MAPK10: variants seen among roughly 807,000 people sequenced by gnomAD.
The protein encoded by MAPK10 is mitogen-activated protein kinase 10, also known as JNK3 alpha protein kinase.
In MAPK10, 25 loss-of-function variants were observed where a neutral mutation model predicts 59.3. That is an observed-to-expected ratio of 0.42 (90% CI 0.31 to 0.59). The LOEUF (loss-of-function observed/expected upper bound fraction) is 0.59. MAPK10 is among the 20% of genes least tolerant of loss of function. The pLI is 0.15. For synonymous variants in MAPK10, 190 were observed against 200.5 expected, an observed-to-expected ratio of 0.95 and a Z score of 0.44; for missense variants, 351 against 568.9, an observed-to-expected ratio of 0.62 and a Z score of 3.90.
upstream of MAPK10, among the ~76,000 whole-genome samples, chr4:86,456,499 C>T (rs188159391): frequency 3.9e-5 from 6 of 152,096 alleles, no homozygotes; most frequent in Non-Finnish European, 8.8e-5. Flanking sequence ...CACAGAAATA[C>T]AAAAGATCAT....
At chr4:86,065,944 C>T (rs1260148401) in intron 10 of MAPK10, among the ~76,000 whole-genome samples, 2 of 151,918 alleles carry the variant, frequency 1.3e-5, no homozygotes, top group Non-Finnish European at 2.9e-5. Flanking sequence ...ATATAAAATA[C>T]AAAAATCAGG....
intron 11 of MAPK10, among the ~76,000 whole-genome samples, chr4:86,043,064 A>T (rs1385935136): frequency 6.6e-6 from 1 of 152,168 alleles, no homozygotes; most frequent in Non-Finnish European, 1.5e-5. Flanking sequence ...TTGATTTTGC[A>T]ATGCCAATTT....
At chr4:86,144,621 C>T (rs1177300289) in intron 4 of MAPK10, among the ~76,000 whole-genome samples, 1 of 152,134 alleles carries the variant, frequency 6.6e-6, no homozygotes, top group Admixed American at 6.6e-5. Context: ...CCTTCTCTCT[C>T]TCTTCTTAGC....
At chr4:86,548,321 T>C (rs942217424) in intron 1 of MAPK10, among the ~76,000 whole-genome samples, 3 of 151,544 alleles carry the variant, frequency 2.0e-5, no homozygotes, top group Non-Finnish European at 4.4e-5. Context: ...TCCAAACACA[T>C]CCGAACATCA....
chr4:86,570,911 T>C (rs893849602), intron 1 of MAPK10, among the ~76,000 whole-genome samples: 4 of 152,034 alleles, frequency 2.6e-5, no homozygotes, highest in East Asian at 3.9e-4. Flanking sequence ...GATGCCAGGG[T>C]GGAATTGAAT....
chr4:86,495,567 G>A (rs1165315775), intron 1 of MAPK10, among the ~76,000 whole-genome samples: 1 of 152,174 alleles, frequency 6.6e-6, no homozygotes, highest in Non-Finnish European at 1.5e-5. Context: ...AACATTTAGT[G>A]TCGACATTTT....
chr4:86,310,731 CTATT>C (rs529429997), intron 2 of MAPK10, among the ~76,000 whole-genome samples: 25 of 152,272 alleles, frequency 1.6e-4, no homozygotes, highest in Admixed American at 3.9e-4. Context: ...CCTTGAGACA[CTATT>C]TATGATGGCT....
At chr4:86,408,685 T>C (rs1197471870) in intron 1 of MAPK10, among the ~76,000 whole-genome samples, 1 of 152,244 alleles carries the variant, frequency 6.6e-6, no homozygotes, top group African/African-American at 2.4e-5. Context: ...GTCTGTTGGC[T>C]GCATAAATGT....
At chr4:86,096,320 A>G (rs1453898676) in intron 9 of MAPK10, among the ~76,000 whole-genome samples, 1 of 151,958 alleles carries the variant, frequency 6.6e-6, no homozygotes, top group Non-Finnish European at 1.5e-5. Flanking sequence ...AAAAATTTTT[A>G]AAAGAAAATA....
At chr4:86,032,871 G>A (rs929504644) in intron 11 of MAPK10, among the ~76,000 whole-genome samples, 2 of 152,298 alleles carry the variant, frequency 1.3e-5, no homozygotes, top group African/African-American at 2.4e-5. Context: ...CTTTTAGCAC[G>A]TTTGACTGAT....
intron 4 of MAPK10, among the ~76,000 whole-genome samples, chr4:86,118,638 C>T (rs2058687348): frequency 6.6e-6 from 1 of 151,568 alleles, no homozygotes; most frequent in African/African-American, 2.4e-5. Flanking sequence ...AAATCTTGTT[C>T]TCAATATATT....
intron 2 of MAPK10, among the ~76,000 whole-genome samples, chr4:86,260,669 T>C (rs965035105): frequency 6.6e-6 from 1 of 152,148 alleles, no homozygotes; most frequent in Non-Finnish European, 1.5e-5. Flanking sequence ...TCTTCATATA[T>C]CTTTCTTAAA....
At chr4:86,492,883 G>A (rs1754577478) in intron 1 of MAPK10, among the ~76,000 whole-genome samples, 1 of 152,210 alleles carries the variant, frequency 6.6e-6, no homozygotes, top group Admixed American at 6.5e-5. Flanking sequence ...TGGTATGTAT[G>A]AGGGGTGTTA....
At chr4:86,393,492 T>C (rs1189293555) in intron 1 of MAPK10, among the ~76,000 whole-genome samples, 1 of 152,172 alleles carries the variant, frequency 6.6e-6, no homozygotes, top group Non-Finnish European at 1.5e-5. Context: ...TGATCAAAAA[T>C]AAAGCAATGT....
chr4:86,552,713 A>G lies in MAPK10; in HGVS notation c.-263+41197T>C, dbSNP rs1316701818. Among the ~76,000 whole-genome samples the G allele has an allele frequency of 4.7e-4, 72 of 152,148 alleles. 1 individual carries two copies. The highest frequency in any genetic ancestry group is 1.3e-4 in the Non-Finnish European group (9 of 67,984). ...ATATTTTTATAGAGAACAATTTTGG[A>G]AAAAGAGAGTGTCTCTTTTTAGAGC... On this transcript the variant is annotated intron_variant, in intron 1 of 4. Transcript: ENST00000502302.
At chr4:86,165,272 T>C (rs1372854585) in intron 3 of MAPK10, among the ~76,000 whole-genome samples, 1 of 152,142 alleles carries the variant, frequency 6.6e-6, no homozygotes, top group Non-Finnish European at 1.5e-5. Context: ...ACTCCAACAT[T>C]GTTGTGCAAA....
chr4:86,277,795 C>T (rs1049212262), intron 2 of MAPK10, among the ~76,000 whole-genome samples: 1 of 152,092 alleles, frequency 6.6e-6, no homozygotes, highest in African/African-American at 2.4e-5. Flanking sequence ...TCTCCACTAT[C>T]AACCATCTAA....
intron 4 of MAPK10, among the ~76,000 whole-genome samples, chr4:86,140,992 CT>C (rs2063524843): frequency 1.3e-5 from 2 of 152,164 alleles, no homozygotes; most frequent in Admixed American, 1.3e-4. Context: ...CATATCCAGA[CT>C]GAATTTTTAG....
intron 1 of MAPK10, among the ~76,000 whole-genome samples, chr4:86,582,253 G>C (rs1459835320): frequency 3.3e-5 from 5 of 151,902 alleles, no homozygotes; most frequent in African/African-American, 9.7e-5. Context: ...GAAGAAATTT[G>C]TAAGTACAAG....
Sources: gnomAD v4.1 joint callset for allele counts (sites outside exome capture counted in the v4.1 genomes callset) on GRCh38, gnomAD v4.1.1 for gene constraint, MANE v1.5 for transcripts, NCBI Gene and HGNC (gene_info 2026-07-23, HGNC 2026-07-21) for gene names.